Variants in PPP6R2 observed in about 807,000 individuals in gnomAD.
PPP6R2 encodes the protein protein phosphatase 6 regulatory subunit 2.
PPP6R2 carries 62 observed loss-of-function variants against 100.2 expected under a neutral mutation model. The ratio of observed to expected loss-of-function variants is 0.62; its 90% CI spans 0.50 to 0.76. PPP6R2 has a LOEUF of 0.76. Ranked by LOEUF, PPP6R2 falls within the 30% of genes least tolerant of loss-of-function variation. The pLI, the probability that PPP6R2 is intolerant of heterozygous loss-of-function variation, is 0.00. For synonymous variants in PPP6R2, 525 were observed against 514.7 expected, an observed-to-expected ratio of 1.02 and a Z score of -0.27; for missense variants, 1,142 against 1,276.3, an observed-to-expected ratio of 0.89 and a Z score of 1.60.
chr22:50,438,724 GGAAGA>G lies in PPP6R2; in HGVS notation c.2091_2095del (p.Lys698GlyfsTer8). On this transcript the variant is annotated frameshift_variant, in exon 19 of 24. Transcript: ENST00000612753. LOFTEE classifies it high-confidence loss of function. ...GGGGCAGGTGCCCCACCGGCCCCCGGGAAGAAGGAAGCGCCCCCTGTGGAGGGTGA... is the reference window on the plus strand; with the variant it reads ...GGGGCAGGTGCCCCACCGGCCCCCGGAGGAAGCGCCCCCTGTGGAGGGTGA... 6.2e-7 allele frequency: 1 copy of G among 1,610,702 alleles called. No individual in the cohort carries two copies. Among genetic ancestry groups the G allele is most frequent in the Non-Finnish European group, 8.5e-7 (1 of 1,178,600 alleles).
chr22:50,419,675 C>T (rs563346238), intron 8 of PPP6R2, among the ~76,000 whole-genome samples: 1 of 152,238 alleles, frequency 6.6e-6, no homozygotes. Context: ...CCTCTCCAGC[C>T]TGAAGCTGCT....
chr22:50,382,408 C>CTA (rs775459447), intron 2 of PPP6R2, among the ~76,000 whole-genome samples: 1 of 151,424 alleles, frequency 6.6e-6, no homozygotes, highest in Admixed American at 6.6e-5. Flanking sequence ...ACCAGCCTGA[C>CTA]TAACATGGTG....
chr22:50,438,569 A>G (rs920845453), intron 18 of PPP6R2, 30 bp from the exon 19 acceptor site: 1 of 1,611,902 alleles, frequency 6.2e-7, no homozygotes, highest in South Asian at 1.1e-5. Flanking sequence ...GTCCTGGGCC[A>G]CCAGACATCT....
chr22:50,343,855 T>C (rs1233899818), intron 1 of PPP6R2, among the ~76,000 whole-genome samples: 5 of 3,956 alleles, frequency 1.3e-3, no homozygotes, highest in African/African-American at 1.8e-3. Context: ...CCAGTCAGTT[T>C]CCCCCCAGTC....
In PPP6R2 at chr22:50,368,198, C is replaced by T. The variant is rs1389721811; in HGVS notation, c.-147-3822C>T. Among the ~76,000 whole-genome samples, 4 of 152,230 alleles carry T rather than the reference C, an allele frequency of 2.6e-5. No individual in the cohort carries two copies. In the South Asian group the frequency reaches 6.2e-4, roughly 24 times the overall value. On this transcript the variant is annotated intron_variant, in intron 1 of 23. Coordinates refer to ENST00000612753, the MANE Select transcript of PPP6R2 (RefSeq NM_001242898.2). ...CCGCTGAAGCACAGCATCACAGAGA[C>T]GTTTACGCCTCCAGATGGCTGCGGG...
At chr22:50,406,319 T>TGAGAGGCCTGGAGAGAGGC in intron 3 of PPP6R2, among the ~76,000 whole-genome samples, 1 of 82,622 alleles carries the variant, frequency 1.2e-5, no homozygotes, top group Non-Finnish European at 2.5e-5. Context: ...TGGAGAGAGG[T>TGAGAGGCCTGGAGAGAGGC]GAGAGGCCTG....
intron 11 of PPP6R2, 28 bp from the exon 12 acceptor site, chr22:50,432,237 C>T (rs991918986): frequency 2.6e-6 from 4 of 1,544,280 alleles, no homozygotes; most frequent in African/African-American, 2.7e-5. Flanking sequence ...GACCCTGACT[C>T]ACGCTGTCCC....
At chr22:50,422,498 T>C in intron 9 of PPP6R2, 118 bp downstream of exon 9, 1 of 1,375,806 alleles carries the variant, frequency 7.3e-7, no homozygotes, top group Non-Finnish European at 9.7e-7. Flanking sequence ...GAATGTGTTC[T>C]AAGACGGCCA....
intron 15 of PPP6R2, among the ~76,000 whole-genome samples, 199 bp from the exon 16 acceptor site, chr22:50,437,307 T>A (rs2064543481): frequency 6.6e-6 from 1 of 152,220 alleles, no homozygotes; most frequent in South Asian, 2.1e-4. Context: ...GGGGCGTATC[T>A]CAGATGTGAC....
At chr22:50,396,044 A>C (rs1217930601) in intron 3 of PPP6R2, among the ~76,000 whole-genome samples, 1 of 151,006 alleles carries the variant, frequency 6.6e-6, no homozygotes, top group Non-Finnish European at 1.5e-5. Context: ...AAAATACAAA[A>C]ATTAGCAGGG....
chr22:50,390,677 TAAC>T (rs1004903318), intron 2 of PPP6R2, among the ~76,000 whole-genome samples: 2 of 149,576 alleles, frequency 1.3e-5, no homozygotes, highest in African/African-American at 4.9e-5. Flanking sequence ...AGAGAAGACA[TAAC>T]AATCCTAAAT....
chr22:50,409,580 C>A (rs921182326), intron 4 of PPP6R2, among the ~76,000 whole-genome samples: 4 of 152,008 alleles, frequency 2.6e-5, no homozygotes, highest in South Asian at 4.2e-4. Context: ...GGCGTGCACC[C>A]CCACGCCCAA....
At chr22:50,375,756 G>T (rs143376978) in intron 2 of PPP6R2, among the ~76,000 whole-genome samples, 1 of 148,488 alleles carries the variant, frequency 6.7e-6, no homozygotes, top group African/African-American at 2.5e-5. Flanking sequence ...TTTCTAGCTT[G>T]TCATCTGACA....
intron 15 of PPP6R2, 75 bp from the exon 16 acceptor site, chr22:50,437,431 A>C: frequency 9.4e-7 from 1 of 1,059,430 alleles, no homozygotes; most frequent in Admixed American, 1.9e-5. Context: ...GTGGTTCCCA[A>C]AGAGCAGCCT....
the PPP6R2 span, among the ~76,000 whole-genome samples, chr22:50,334,604 A>C: frequency 5.1e-4 from 77 of 152,242 alleles, 1 homozygote; most frequent in South Asian, 8.3e-4. Context: ...CTTGCCGCCC[A>C]CAATTTTGAT....
Position 50,427,094 on chromosome 22 carries a change from C to T in PPP6R2, c.1125+3480C>T, listed in dbSNP as rs570902465. Among the ~76,000 whole-genome samples the T allele has an allele frequency of 4.0e-5, 6 of 150,300 alleles. No individual in the cohort carries two copies. In the East Asian group the frequency reaches 1.2e-3, roughly 30 times the overall value. ...GTCCCAGCTACTTGGGAGGCTGAGG[C>T]AGGAGAATGGTGTGAACCCGGGAGG... On this transcript the variant is annotated intron_variant, in intron 10 of 23. Coordinates refer to ENST00000612753, the MANE Select transcript of PPP6R2 (RefSeq NM_001242898.2).
chr22:50,434,320 T>TCC (rs1569486254), intron 12 of PPP6R2, among the ~76,000 whole-genome samples: 9 of 59,448 alleles, frequency 1.5e-4, no homozygotes, highest in African/African-American at 7.0e-4. Flanking sequence ...GCATTTGCTC[T>TCC]GGAGGTGAAC....
upstream of PPP6R2, among the ~76,000 whole-genome samples, chr22:50,339,630 T>TG (rs2042346815): frequency 8.7e-6 from 1 of 115,250 alleles, no homozygotes; most frequent in Non-Finnish European, 1.8e-5. Context: ...GTAGTGTGTG[T>TG]TATGTGGTGT....
chr22:50,336,010 A>G, the PPP6R2 span, among the ~76,000 whole-genome samples: 7 of 150,398 alleles, frequency 4.7e-5, no homozygotes, highest in Admixed American at 4.7e-4. Context: ...TTTGAGACAG[A>G]GTCTTGCTCT....
Sources: gnomAD v4.1 joint callset for allele counts (sites outside exome capture counted in the v4.1 genomes callset) on GRCh38, gnomAD v4.1.1 for gene constraint, MANE v1.5 for transcripts, NCBI Gene and HGNC (gene_info 2026-07-23, HGNC 2026-07-21) for gene names.